FAM120B: variants seen among roughly 807,000 people sequenced by gnomAD.
The protein encoded by FAM120B is family with sequence similarity 120 member B.
In FAM120B, 83 loss-of-function variants were observed where a neutral mutation model predicts 96.3. That is an observed-to-expected ratio of 0.86 (90% confidence interval 0.72 to 1.03). The LOEUF (loss-of-function observed/expected upper bound fraction) is 1.03, where lower values mean the gene tolerates loss of function less well. Among genes scored for constraint, FAM120B ranks in the 50% least tolerant of loss-of-function variants. The pLI, the probability that FAM120B is intolerant of heterozygous loss-of-function variation, is 0.00. For missense variants in FAM120B, 1,027 were observed against 1,121.2 expected (o/e 0.92, Z 1.20); for synonymous variants, 407 against 402.7 (o/e 1.01, Z -0.13).
In FAM120B at chr6:170,358,257, C is replaced by T. The variant is rs775606266; in HGVS notation, c.2222C>T (p.Ala741Val). ...ACGCTTTGCCTGGAGGATTTGCATG[C>T]GTTTATTGCGCAGGCCTTGTGCCTC... ...VDTLCLEDLHAFIAQALCLQG... is the reference protein window; with the variant it reads ...VDTLCLEDLHVFIAQALCLQG... Residue 741 changes from alanine to valine, a missense_variant, in exon 6 of 11, where the codon GCG (alanine) becomes GTG (valine). Coordinates refer to ENST00000476287, the MANE Select transcript of FAM120B (RefSeq NM_032448.3). 24 of 1,606,372 alleles carry T rather than the reference C, an allele frequency of 1.5e-5. No individual in the cohort carries two copies. Among genetic ancestry groups the T allele is most frequent in the South Asian group, 2.2e-5 (2 of 89,922 alleles).
intron 3 of FAM120B, 63 bp downstream of exon 3, chr6:170,323,322 C>A: frequency 7.2e-7 from 1 of 1,388,574 alleles, no homozygotes; most frequent in South Asian, 1.3e-5. Context: ...GAGAAACTGG[C>A]CAGATGAAAT....
intron 1 of FAM120B, among the ~76,000 whole-genome samples, chr6:170,296,801 G>A (rs758453133): frequency 2.0e-5 from 3 of 152,140 alleles, no homozygotes; most frequent in Non-Finnish European, 2.9e-5. Flanking sequence ...GGCCCCCTGC[G>A]GCCGCCACCC....
intron 6 of FAM120B, among the ~76,000 whole-genome samples, chr6:170,385,675 T>C (rs1041316347): frequency 2.6e-4 from 40 of 152,250 alleles, no homozygotes; most frequent in Admixed American, 2.3e-3. Flanking sequence ...CCACAACCTG[T>C]ACATAGAAGT....
chr6:170,404,840 G>GTC lies in FAM120B; in HGVS notation c.*89_*90insTC. 1.9e-6 allele frequency: 1 copy of GTC among 514,096 alleles called. No individual in the cohort carries two copies. The highest frequency in any genetic ancestry group is 3.4e-6 in the Non-Finnish European group (1 of 289,864). 31.8% of individuals were successfully genotyped at this position (514,096 alleles called of 1,614,324 possible). A position where few individuals can be genotyped will look rare whatever the true frequency, so the allele number is the denominator to read the frequency against. On this transcript the variant is annotated 3_prime_UTR_variant, in exon 11 of 11. Transcript: ENST00000476287. ...CCCTCCTCTGCTGTTGCAGCTGCAA[G>GTC]GAGACCATGCCTGTGGGAGCCAGGC...
At chr6:170,303,136 A>C (rs1297602968), upstream of FAM120B, among the ~76,000 whole-genome samples, 1 of 152,230 alleles carries the variant, frequency 6.6e-6, no homozygotes, top group Non-Finnish European at 1.5e-5. Flanking sequence ...TTTGTTAACA[A>C]AAATAGTAGT....
At chr6:170,393,711 C>G (rs1048596472) in intron 8 of FAM120B, among the ~76,000 whole-genome samples, 1 of 152,220 alleles carries the variant, frequency 6.6e-6, no homozygotes, top group Non-Finnish European at 1.5e-5. Flanking sequence ...CCCCACATGG[C>G]TCACCCAAAA....
intron 4 of FAM120B, among the ~76,000 whole-genome samples, chr6:170,341,065 G>A (rs113130442): frequency 3.3e-5 from 5 of 152,334 alleles, no homozygotes; most frequent in South Asian, 2.1e-4. Context: ...CTGCAGAGCC[G>A]TCAGGCAGGA....
chr6:170,387,469 C>T (rs1017306352), intron 6 of FAM120B, among the ~76,000 whole-genome samples: 3 of 152,174 alleles, frequency 2.0e-5, no homozygotes, highest in Non-Finnish European at 2.9e-5. Flanking sequence ...TGTGGACACT[C>T]GCTAGATATC....
chr6:170,296,339 G>A (rs1784006985), intron 1 of FAM120B, among the ~76,000 whole-genome samples: 1 of 152,164 alleles, frequency 6.6e-6, no homozygotes, highest in East Asian at 1.9e-4. Flanking sequence ...CTTCCTGGAG[G>A]TGGTGGCGGC....
upstream of FAM120B, among the ~76,000 whole-genome samples, chr6:170,293,178 CTGGGGG>C (rs1783923660): frequency 6.6e-6 from 1 of 151,882 alleles, no homozygotes; most frequent in African/African-American, 2.4e-5. Context: ...GTGCTGGGGG[CTGGGGG>C]TGGGGGTGAG....
intron 1 of FAM120B, among the ~76,000 whole-genome samples, chr6:170,313,399 G>T (rs1784712790): frequency 6.6e-6 from 1 of 152,164 alleles, no homozygotes; most frequent in African/African-American, 2.4e-5. Context: ...CCCAGGCCCA[G>T]CCAGAAGTTA....
At chr6:170,398,010 G>C (rs1778278801) in intron 9 of FAM120B, among the ~76,000 whole-genome samples, 1 of 152,214 alleles carries the variant, frequency 6.6e-6, no homozygotes, top group Non-Finnish European at 1.5e-5. Flanking sequence ...TCTTCCCCCT[G>C]GGCCTCAGGA....
At chr6:170,335,026 G>GTT (rs1303226057) in intron 4 of FAM120B, among the ~76,000 whole-genome samples, 1 of 148,732 alleles carries the variant, frequency 6.7e-6, no homozygotes, top group East Asian at 2.0e-4. Flanking sequence ...CGTAGTCAGG[G>GTT]TTTTTTGAGT....
intron 3 of FAM120B, among the ~76,000 whole-genome samples, chr6:170,329,667 T>G (rs1368564124): frequency 2.0e-5 from 3 of 152,112 alleles, no homozygotes; most frequent in Non-Finnish European, 4.4e-5. Context: ...TTGTCTCAGT[T>G]CTCTCCTGGA....
At chr6:170,396,199 A>AT (rs1778151280) in intron 9 of FAM120B, among the ~76,000 whole-genome samples, 1 of 152,254 alleles carries the variant, frequency 6.6e-6, no homozygotes, top group Non-Finnish European at 1.5e-5. Context: ...CCTTTGATTT[A>AT]TGATATCTGT....
At chr6:170,359,210 G>A (rs1238647636) in intron 6 of FAM120B, among the ~76,000 whole-genome samples, 3 of 152,126 alleles carry the variant, frequency 2.0e-5, no homozygotes, top group African/African-American at 7.2e-5. Context: ...AGACCAGCCT[G>A]GCCAACATGG....
intron 4 of FAM120B, among the ~76,000 whole-genome samples, chr6:170,334,073 T>G (rs1786250790): frequency 6.6e-6 from 1 of 152,184 alleles, no homozygotes; most frequent in Non-Finnish European, 1.5e-5. Flanking sequence ...GCCTTTTCAG[T>G]CTCCAGAATT....
At chr6:170,385,293 T>C (rs547785213) in intron 6 of FAM120B, among the ~76,000 whole-genome samples, 37 of 152,318 alleles carry the variant, frequency 2.4e-4, no homozygotes, top group African/African-American at 8.9e-4. Context: ...GTGAAAATAT[T>C]GTCCATAAAA....
intron 6 of FAM120B, among the ~76,000 whole-genome samples, chr6:170,383,865 G>A (rs1051119215): frequency 6.6e-6 from 1 of 152,246 alleles, no homozygotes; most frequent in African/African-American, 2.4e-5. Flanking sequence ...CAGGTTGGAA[G>A]CAACCCAGAT....
Sources: gnomAD v4.1 joint callset for allele counts (sites outside exome capture counted in the v4.1 genomes callset) on GRCh38, gnomAD v4.1.1 for gene constraint, MANE v1.5 for transcripts, NCBI Gene and HGNC (gene_info 2026-07-23, HGNC 2026-07-21) for gene names.